DLG2: variants seen among roughly 807,000 people sequenced by gnomAD.
The protein encoded by DLG2 is disks large homolog 2.
DLG2 carries 45 observed loss-of-function variants against 132.5 expected under a neutral mutation model. The observed-to-expected ratio is 0.34, with a 90% CI of 0.27 to 0.44. The LOEUF is 0.44. DLG2 is among the 20% of genes least tolerant of loss of function. The pLI, the probability that DLG2 is intolerant of heterozygous loss-of-function variation, is 1.00. For synonymous variants in DLG2, 424 were observed against 419.6 expected (o/e 1.01, Z -0.13); for missense variants, 1,045 against 1,196.9 (o/e 0.87, Z 1.87).
chr11:83,659,526 T>C (rs999298317), intron 18 of DLG2, among the ~76,000 whole-genome samples: 2 of 152,238 alleles, frequency 1.3e-5, no homozygotes, highest in African/African-American at 4.8e-5. Context: ...GCTACTCACC[T>C]GGCAGGCCAA....
intron 16 of DLG2, among the ~76,000 whole-genome samples, chr11:83,861,499 A>G (rs2061448140): frequency 6.6e-6 from 1 of 152,198 alleles, no homozygotes; most frequent in Non-Finnish European, 1.5e-5. Flanking sequence ...CAACAGATGA[A>G]TGATAAAGAA....
At chr11:83,699,681 G>A (rs577160928) in intron 18 of DLG2, among the ~76,000 whole-genome samples, 1 of 151,240 alleles carries the variant, frequency 6.6e-6, no homozygotes, top group East Asian at 1.9e-4. Flanking sequence ...CTGCACTCCA[G>A]CTTGGGTGAC....
rs540672103 is a variant in DLG2 at position 84,610,896 on chromosome 11, C to T, written c.358-76165G>A. On this transcript the variant is annotated intron_variant, in intron 6 of 27. Transcript: ENST00000376104. ...TTTCCTCTGCCTGAAATATTCTCCTCCCTCTCCTGCCAAGTTTCTTCACCT... is the reference window on the plus strand; with the variant it reads ...TTTCCTCTGCCTGAAATATTCTCCTTCCTCTCCTGCCAAGTTTCTTCACCT... 5.3e-5 allele frequency among the ~76,000 whole-genome samples: 8 copies of T among 152,116 alleles called. No homozygotes were observed. In the South Asian group the frequency reaches 1.7e-3, roughly 32 times the overall value.
At chr11:83,951,198 A>T (rs1308012410) in intron 14 of DLG2, among the ~76,000 whole-genome samples, 1 of 152,170 alleles carries the variant, frequency 6.6e-6, no homozygotes, top group East Asian at 1.9e-4. Flanking sequence ...AATTCAAATC[A>T]ATCTGATAGC....
chr11:84,399,444 G>A (rs1044088482), intron 7 of DLG2, among the ~76,000 whole-genome samples: 3 of 152,168 alleles, frequency 2.0e-5, no homozygotes, highest in African/African-American at 7.2e-5. Context: ...TTATTTATGT[G>A]AGAAAGAGTC....
intron 3 of DLG2, among the ~76,000 whole-genome samples, chr11:85,318,167 A>T (rs1229620320): frequency 6.6e-6 from 1 of 151,944 alleles, no homozygotes; most frequent in Non-Finnish European, 1.5e-5. Context: ...TATAAAATGT[A>T]GTTTTAAGAC....
At chr11:84,809,097 G>A (rs1164418597) in intron 6 of DLG2, among the ~76,000 whole-genome samples, 1 of 151,944 alleles carries the variant, frequency 6.6e-6, no homozygotes, top group Non-Finnish European at 1.5e-5. Context: ...CCATGATCAA[G>A]TGGAGGTCAT....
chr11:85,323,659 T>C (rs1457361574), intron 3 of DLG2, among the ~76,000 whole-genome samples: 2 of 152,230 alleles, frequency 1.3e-5, no homozygotes, highest in African/African-American at 4.8e-5. Flanking sequence ...CTCTCCTCCC[T>C]ACTACCTTTC....
intron 8 of DLG2, among the ~76,000 whole-genome samples, chr11:84,244,923 C>A (rs1209481912): frequency 6.6e-6 from 1 of 152,122 alleles, no homozygotes; most frequent in Non-Finnish European, 1.5e-5. Flanking sequence ...TGAATCATAG[C>A]CTAAATCATA....
At chr11:85,049,845 G>C (rs2062719787) in intron 6 of DLG2, among the ~76,000 whole-genome samples, 1 of 151,994 alleles carries the variant, frequency 6.6e-6, no homozygotes, top group African/African-American at 2.4e-5. Flanking sequence ...AAATGATGGG[G>C]AAAATATAGT....
At chr11:85,590,633 TTCTC>T (rs979440461) in intron 3 of DLG2, among the ~76,000 whole-genome samples, 15 of 150,746 alleles carry the variant, frequency 1.0e-4, no homozygotes, top group Admixed American at 2.0e-4. Flanking sequence ...TTTTTTTATA[TTCTC>T]TCTCTCTCTC....
At chr11:84,574,135 G>A (rs1406275532) in intron 6 of DLG2, among the ~76,000 whole-genome samples, 1 of 152,044 alleles carries the variant, frequency 6.6e-6, no homozygotes, top group African/African-American at 2.4e-5. Context: ...CACTCCTCTG[G>A]GTGGTTCACT....
At chr11:84,299,541 C>T (rs1381351721) in intron 7 of DLG2, among the ~76,000 whole-genome samples, 3 of 152,112 alleles carry the variant, frequency 2.0e-5, no homozygotes, top group African/African-American at 4.8e-5. Context: ...TCTGACTTGG[C>T]ACACTAAGTG....
At chr11:84,337,499 AT>A (rs913942923) in intron 7 of DLG2, among the ~76,000 whole-genome samples, 10 of 152,050 alleles carry the variant, frequency 6.6e-5, no homozygotes, top group African/African-American at 1.9e-4. Context: ...ATGTGTATAT[AT>A]TTTTTTCTGC....
chr11:83,834,556 C>A (rs1220217772), intron 16 of DLG2, among the ~76,000 whole-genome samples: 1 of 152,054 alleles, frequency 6.6e-6, no homozygotes, highest in Non-Finnish European at 1.5e-5. Context: ...AATCCAGGGT[C>A]ATGAGAATGA....
intron 17 of DLG2, among the ~76,000 whole-genome samples, chr11:83,801,971 T>C (rs1362847876): frequency 6.6e-6 from 1 of 152,198 alleles, no homozygotes; most frequent in East Asian, 1.9e-4. Context: ...CAGGTACTAA[T>C]TAGAGTCCTT....
chr11:84,885,414 G>T (rs575286790), intron 6 of DLG2, among the ~76,000 whole-genome samples: 7 of 151,854 alleles, frequency 4.6e-5, no homozygotes, highest in Admixed American at 1.3e-4. Context: ...AGCTTATTGC[G>T]GCCTCAAACT....
intron 8 of DLG2, among the ~76,000 whole-genome samples, chr11:84,242,174 C>G (rs936574743): frequency 6.6e-6 from 1 of 152,064 alleles, no homozygotes; most frequent in Non-Finnish European, 1.5e-5. Context: ...CTTGGACAAC[C>G]GTTTTATTTT....
intron 9 of DLG2, among the ~76,000 whole-genome samples, chr11:84,129,535 T>C (rs2094324237): frequency 6.6e-6 from 1 of 152,088 alleles, no homozygotes; most frequent in African/African-American, 2.4e-5. Context: ...GGGTACATGA[T>C]GTGAGATGGC....
Sources: gnomAD v4.1 joint callset for allele counts (sites outside exome capture counted in the v4.1 genomes callset) on GRCh38, gnomAD v4.1.1 for gene constraint, MANE v1.5 for transcripts, NCBI Gene and HGNC (gene_info 2026-07-23, HGNC 2026-07-21) for gene names.